KRT2: variants seen among roughly 807,000 people sequenced by gnomAD.
The protein encoded by KRT2 is keratin 2, also known as keratin, type II cytoskeletal 2 epidermal.
Under a neutral mutation model 48.5 loss-of-function variants are expected in KRT2, and 37 were observed. The observed-to-expected ratio is 0.76, with a 90% CI of 0.59 to 1.00. The LOEUF is 1.00. Among genes scored for constraint, KRT2 ranks in the 50% least tolerant of loss-of-function variants. The pLI is 0.00. For synonymous variants in KRT2, 324 were observed against 312.2 expected (o/e 1.04, Z -0.40); for missense variants, 880 against 815.2 (o/e 1.08, Z -0.97).
In KRT2 at chr12:52,646,750, C is replaced by T. The variant is rs137852629; in HGVS notation, c.1459G>A (p.Glu487Lys). 6.2e-7 allele frequency: 1 copy of T among 1,614,098 alleles called. No homozygotes were observed. The highest frequency in any genetic ancestry group is 8.5e-7 in the Non-Finnish European group (1 of 1,180,000). The change falls in exon 7 of 9, where the codon GAG (glutamate) becomes AAG (lysine). Residue 487 changes from glutamate to lysine, a missense_variant. Coordinates refer to ENST00000309680, the MANE Select transcript of KRT2 (RefSeq NM_000423.3). ...TCCCAGTGCCCTCACCTGCACTCCT[C>T]GCCCTCCAGCAGTTTGCGGTAGGTG... ...IATYRKLLEGEECRMSGDLSS... is the reference protein window; with the variant it reads ...IATYRKLLEGKECRMSGDLSS...
chr12:52,648,274 G>A lies in KRT2; in HGVS notation c.1021C>T (p.Arg341Cys), dbSNP rs778596676. ...ATGATGCTATCCAAGTCCAGGTTGC[G>A]GCTGTTGTCCATGGAGAGGATGACG... ...TNVILSMDNS[R>C]NLDLDSIIAE... The change falls in exon 5 of 9, where the codon CGC (arginine) becomes TGC (cysteine). Residue 341 changes from arginine (R) to cysteine (C), a missense_variant. Physicochemically the swap from Arg to Cys is radical, Grantham distance 180 (BLOSUM62 -3). Transcript: ENST00000309680. The A allele has an allele frequency of 1.8e-5, 29 of 1,614,070 alleles. 1 individual carries two copies. In the South Asian group the frequency reaches 2.1e-4, roughly 12 times the overall value.
chr12:52,647,594 A>G, intron 6 of KRT2, 136 bp downstream of exon 6: 1 of 989,266 alleles, frequency 1.0e-6, no homozygotes, highest in South Asian at 1.4e-5. Context: ...TAAGCTGGGG[A>G]ATTTGGGATC....
At chr12:52,645,728 G>A (rs1941154131) in intron 7 of KRT2, among the ~76,000 whole-genome samples, 159 bp from the exon 8 acceptor site, 1 of 152,176 alleles carries the variant, frequency 6.6e-6, no homozygotes, top group South Asian at 2.1e-4. Flanking sequence ...GTCACACAAT[G>A]ACGACAGACC....
At chr12:52,645,508 G>A in intron 8 of KRT2, 27 bp downstream of exon 8, 1 of 1,614,092 alleles carries the variant, frequency 6.2e-7, no homozygotes, top group Non-Finnish European at 8.5e-7. Context: ...AACACCCCAT[G>A]GAACAGGACC....
chr12:52,646,955 C>G lies in KRT2; in HGVS notation c.1254G>C (p.Lys418Asn). ...GEIAHVKKQC[K>N]NVQDAIADAE... is the part of the protein sequence containing the mutation. ...CATCTGCGATGGCATCTTGCACATT[C>G]TTACACTATGACAGAAGGACAGAGA... is the stretch of plus-strand genomic sequence containing the variant. The change falls in exon 7 of 9, where the codon AAG becomes AAC. Residue 418 changes from lysine to asparagine, a missense_variant. Transcript: ENST00000309680. 6.2e-7 allele frequency: 1 copy of G among 1,613,860 alleles called. No homozygotes were observed. The highest frequency in any genetic ancestry group is 8.5e-7 in the Non-Finnish European group (1 of 1,179,804).
intron 6 of KRT2, among the ~76,000 whole-genome samples, chr12:52,647,504 T>G (rs1371457675): frequency 6.6e-6 from 1 of 152,240 alleles, no homozygotes; most frequent in Non-Finnish European, 1.5e-5. Context: ...GTGAGCACAA[T>G]TCTTTCCCTT....
chr12:52,649,142 T>C (rs1941212664), intron 3 of KRT2, 40 bp from the exon 4 acceptor site: 1 of 1,233,012 alleles, frequency 8.1e-7, no homozygotes, highest in Non-Finnish European at 1.2e-6. Flanking sequence ...TGGTTCCCTG[T>C]ACAGGCCTCT....
intron 4 of KRT2, 96 bp from the exon 5 acceptor site, chr12:52,648,433 C>T: frequency 2.0e-6 from 2 of 1,002,082 alleles, no homozygotes; most frequent in South Asian, 2.5e-5. Context: ...CGCAGACCCT[C>T]AGACTAAGCA....
chr12:52,649,972 T>C lies in KRT2; in HGVS notation c.803A>G (p.Tyr268Cys). 2 of 1,610,564 alleles carry C rather than the reference T, an allele frequency of 1.2e-6. No homozygotes were observed. The highest frequency in any genetic ancestry group is 1.7e-4 in the Middle Eastern group (1 of 6,054). The change falls in exon 3 of 9, where the codon TAT (tyrosine) becomes TGT (cysteine). Residue 268 changes from tyrosine (Y) to cysteine (C), a missense_variant and splice_region_variant. By Grantham distance (194) the Tyr-to-Cys change is radical. Transcript: ENST00000309680. ...QDLVEDYKKK[Y>C]EDEINKRTAA... ...TGTGCGCTTATTGATTTCATCCTCA[T>C]ACCTATTGGGACACAGATGTTACAG...
At position 52,646,786 on chromosome 12, in the gene KRT2, C is replaced by T. The variant is rs1324809384; in HGVS notation, c.1423G>A (p.Val475Met). 1 of 1,614,180 alleles carries T rather than the reference C, an allele frequency of 6.2e-7. No individual in the cohort carries two copies. Among genetic ancestry groups the T allele is most frequent in the East Asian group, 2.2e-5 (1 of 44,882 alleles). ...ELMNVKLALD[V>M]EIATYRKLLE... ...AGTTTGCGGTAGGTGGCGATCTCCA[C>T]ATCTAGGGCCAGCTTCACGTTCATC... is the stretch of plus-strand genomic sequence containing the variant. The change falls in exon 7 of 9, where the codon GTG becomes ATG. Residue 475 changes from valine to methionine, a missense_variant. Physicochemically the swap from Val to Met is conservative, Grantham distance 21. Coordinates refer to ENST00000309680, the MANE Select transcript of KRT2 (RefSeq NM_000423.3).
chr12:52,646,700 G>T, intron 7 of KRT2, 40 bp downstream of exon 7: 2 of 1,607,498 alleles, frequency 1.2e-6, no homozygotes, highest in African/African-American at 2.7e-5. Context: ...GAGATGAGAG[G>T]AAGGGCCAGG....
chr12:52,650,631 T>A, intron 1 of KRT2, 78 bp from the exon 2 acceptor site: 1 of 1,200,712 alleles, frequency 8.3e-7, no homozygotes. Context: ...CAGGGGCAGC[T>A]CAGGTGCTGC....
At position 52,644,601 on chromosome 12, in the gene KRT2, C is replaced by A. The variant is rs1473436448; in HGVS notation, c.*418G>T. ...TATTATGAAGACCCCCAGACCACAGCACTTCCGAAAGCAGAGTGGACAAGA... is the reference window on the plus strand; with the variant it reads ...TATTATGAAGACCCCCAGACCACAGAACTTCCGAAAGCAGAGTGGACAAGA... On this transcript the variant is annotated 3_prime_UTR_variant, in exon 9 of 9. Coordinates refer to ENST00000309680, the MANE Select transcript of KRT2 (RefSeq NM_000423.3). 4 of 235,246 alleles carry A rather than the reference C, an allele frequency of 1.7e-5. No individual in the cohort carries two copies. The highest frequency in any genetic ancestry group is 3.3e-5 in the Non-Finnish European group (4 of 119,572). The allele number at this position is 235,246 out of a possible 1,614,324, so 14.6% of individuals were successfully genotyped here.
chr12:52,649,307 C>T (rs1228418507), intron 3 of KRT2, among the ~76,000 whole-genome samples: 1 of 152,218 alleles, frequency 6.6e-6, no homozygotes, highest in Non-Finnish European at 1.5e-5. Flanking sequence ...CCATGGCTCA[C>T]AGCCCTCAGG....
rs1486726837 is a variant in KRT2 at position 52,651,657 on chromosome 12, A to C, written c.486T>G (p.Pro162=). 6.2e-7 allele frequency: 1 copy of C among 1,614,022 alleles called. No homozygotes were observed. The highest frequency in any genetic ancestry group is 2.2e-5 in the East Asian group (1 of 44,872). ...TCTCTGGGTCAACTTTCACGTTGAG[A>C]GGCTGCAGGAGGCTCTGGTTGACAG... is the stretch of plus-strand genomic sequence containing the variant. ...EVSVNQSLLQ[P]LNVKVDPEIQ... is the part of the protein sequence containing the mutation. The change falls in exon 1 of 9, where the codon CCT becomes CCG. Residue 162 remains proline (P), a synonymous_variant. Transcript: ENST00000309680.
intron 7 of KRT2, among the ~76,000 whole-genome samples, 162 bp from the exon 8 acceptor site, chr12:52,645,731 G>A (rs918620525): frequency 2.0e-5 from 3 of 152,164 alleles, no homozygotes; most frequent in Non-Finnish European, 2.9e-5. Flanking sequence ...ACACAATGAC[G>A]ACAGACCCCC....
chr12:52,651,609 C>A lies in KRT2; in HGVS notation c.534G>T (p.Glu178Asp). ...DPEIQNVKAQ[E>D]REQIKTLNNK... Reference sequence around the variant, plus strand: ...TGTTGAGAGTTTTGATCTGCTCACGCTCTTGGGCCTTCACATTCTGGATCT... The same window carrying A: ...TGTTGAGAGTTTTGATCTGCTCACGATCTTGGGCCTTCACATTCTGGATCT... Residue 178 changes from glutamate to aspartate, a missense_variant, in exon 1 of 9, where the codon GAG becomes GAT. Glu to Asp is a conservative substitution (Grantham distance 45, BLOSUM62 2). Coordinates refer to ENST00000309680, the MANE Select transcript of KRT2 (RefSeq NM_000423.3). 1 of 1,614,178 alleles carries A rather than the reference C, an allele frequency of 6.2e-7. No individual in the cohort carries two copies. Among genetic ancestry groups the A allele is most frequent in the Non-Finnish European group, 8.5e-7 (1 of 1,180,032 alleles).
chr12:52,650,957 G>A (rs1033547975), intron 1 of KRT2, among the ~76,000 whole-genome samples: 3 of 152,138 alleles, frequency 2.0e-5, no homozygotes, highest in East Asian at 1.9e-4. Context: ...CAGAGGGCAG[G>A]GCTCCTCAGC....
Position 52,650,354 on chromosome 12 carries a change from T to C in KRT2, c.785A>G (p.Glu262Gly), listed in dbSNP as rs749342207. 1 of 1,614,062 alleles carries C rather than the reference T, an allele frequency of 6.2e-7. No individual in the cohort carries two copies. ...TGCCACCTACTTCTTCTTATAATCC[T>C]CCACAAGATCCTGCATGTTATTCAG... ...SELNNMQDLV[E>G]DYKKKYEDEI... Residue 262 changes from glutamate (E) to glycine (G), a missense_variant, in exon 2 of 9, where the codon GAG becomes GGG. Glu to Gly is a moderately conservative substitution (Grantham distance 98). Coordinates refer to ENST00000309680, the MANE Select transcript of KRT2 (RefSeq NM_000423.3).
Sources: gnomAD v4.1 joint callset for allele counts (sites outside exome capture counted in the v4.1 genomes callset) on GRCh38, gnomAD v4.1.1 for gene constraint, MANE v1.5 for transcripts, NCBI Gene and HGNC (gene_info 2026-07-23, HGNC 2026-07-21) for gene names.